LRRC71: variants seen among roughly 807,000 people sequenced by gnomAD.
LRRC71 encodes the protein leucine rich repeat containing 71.
LRRC71 carries 54 observed loss-of-function variants against 66.6 expected under a neutral mutation model. The observed-to-expected ratio is 0.81, with a 90% CI of 0.65 to 1.02. LRRC71 has a LOEUF of 1.02. LRRC71 is among the 50% of genes least tolerant of loss of function. The pLI, the probability that LRRC71 is intolerant of heterozygous loss-of-function variation, is 0.00. For synonymous variants in LRRC71, 323 were observed against 303.9 expected (o/e 1.06, Z -0.65); for missense variants, 724 against 718.0 (o/e 1.01, Z -0.10).
intron 14 of LRRC71, 23 bp from the exon 15 acceptor site, chr1:156,932,830 G>T: frequency 6.5e-7 from 1 of 1,533,368 alleles, no homozygotes; most frequent in Admixed American, 1.8e-5. Context: ...CTTGTCAGAT[G>T]TCAGCCTTCC....
At chr1:156,936,795 G>GA, downstream of LRRC71, 1 of 1,606,490 alleles carries the variant, frequency 6.2e-7, no homozygotes, top group Non-Finnish European at 8.5e-7. Context: ...TAGGAACCGA[G>GA]AGGGACCTGG....
chr1:156,927,146 T>A (rs1437258236), intron 5 of LRRC71, 56 bp from the exon 6 acceptor site: 2 of 1,509,492 alleles, frequency 1.3e-6, no homozygotes. Context: ...CTCTGTTCCC[T>A]TCCCTTACCT....
downstream of LRRC71, among the ~76,000 whole-genome samples, chr1:156,938,053 G>A (rs764113199): frequency 6.6e-6 from 1 of 152,226 alleles, no homozygotes. Context: ...TCTTTCAGCC[G>A]ATTTCCACAG....
downstream of LRRC71, chr1:156,937,628 G>T: frequency 1.0e-6 from 1 of 973,386 alleles, no homozygotes; most frequent in Non-Finnish European, 1.5e-6. Flanking sequence ...CTCAGAGAAC[G>T]TGGGCCTTGC....
chr1:156,924,140 T>C (rs1167267853), intron 2 of LRRC71, 42 bp downstream of exon 2: 1 of 1,538,420 alleles, frequency 6.5e-7, no homozygotes, highest in East Asian at 2.5e-5. Flanking sequence ...CAGGGCCGCC[T>C]AGTCCATCCT....
At chr1:156,922,454 T>C (rs1176369161) in intron 1 of LRRC71, among the ~76,000 whole-genome samples, 1 of 151,504 alleles carries the variant, frequency 6.6e-6, no homozygotes, top group Non-Finnish European at 1.5e-5. Flanking sequence ...CGGTAGAGAG[T>C]GATGGCTGAT....
intron 6 of LRRC71, 70 bp from the exon 7 acceptor site, chr1:156,927,424 CAA>C (rs1182964130): frequency 1.3e-6 from 2 of 1,518,960 alleles, no homozygotes; most frequent in South Asian, 1.3e-5. Context: ...CTCAAGCGCT[CAA>C]GTCTCCCATA....
chr1:156,934,083 G>C (rs1654703261), downstream of LRRC71, among the ~76,000 whole-genome samples: 1 of 152,188 alleles, frequency 6.6e-6, no homozygotes, highest in Non-Finnish European at 1.5e-5. Context: ...AACACATTGA[G>C]GTGCTGGATG....
rs746194831 is a variant in LRRC71 at position 156,930,060 on chromosome 1, T to TTCTTTTTCTTTCTTTCTTTTTC, written c.1240+332_1240+333insCTTTTTCTTTCTTTCTTTTTCT. On this transcript the variant is annotated intron_variant, in intron 11 of 14. Transcript: ENST00000337428. Reference sequence around the variant, plus strand: ...TCTTTCTTTCTCTTTCTTTCTTTCTTTTTCTTTCTTTCTTTCTTTTCTTTC... The same window carrying TTCTTTTTCTTTCTTTCTTTTTC: ...TCTTTCTTTCTCTTTCTTTCTTTCTTTCTTTTTCTTTCTTTCTTTTTCTTTCTTTCTTTCTTTCTTTTCTTTC... 5.5e-5 allele frequency among the ~76,000 whole-genome samples: 7 copies of TTCTTTTTCTTTCTTTCTTTTTC among 126,234 alleles called. No homozygotes were observed. The East Asian group carries it at 9.8e-4, about 18-fold the overall frequency. 82.8% of individuals were successfully genotyped at this position (126,234 alleles called of 152,430 possible).
Position 156,929,574 on chromosome 1 carries a change from C to T in LRRC71, c.1147-62C>T, listed in dbSNP as rs1557791908. On this transcript the variant is annotated intron_variant, in intron 10 of 14. Transcript: ENST00000337428. ...CCGGGTCCTAACCTGGGCTCCTTCC[C>T]TCACCACTGCCCATCCCCTCCGGAG... 9 of 1,539,392 alleles carry T rather than the reference C, an allele frequency of 5.8e-6. No homozygotes were observed. The South Asian group carries it at 7.3e-5, about 13-fold the overall frequency.
In LRRC71 at chr1:156,924,983, C is replaced by T. The variant is rs1652978027; in HGVS notation, c.561C>T (p.Ile187=). 1.3e-6 allele frequency: 2 copies of T among 1,551,574 alleles called. No homozygotes were observed. The highest frequency in any genetic ancestry group is 2.4e-5 in the South Asian group (2 of 84,066). ...GLTDKTLTTF[I]ELLPLCSSTL... is the part of the protein sequence containing the mutation. Reference sequence around the variant, plus strand: ...CCGATAAGACCCTGACCACCTTCATCGAGCTCCTGCCTCTCTGTTCATCCA... The same window carrying T: ...CCGATAAGACCCTGACCACCTTCATTGAGCTCCTGCCTCTCTGTTCATCCA... Residue 187 remains isoleucine (I), a synonymous_variant, in exon 5 of 15, where the codon ATC becomes ATT. Coordinates refer to ENST00000337428, the MANE Select transcript of LRRC71 (RefSeq NM_144702.3).
Position 156,930,032 on chromosome 1 carries a change from T to C in LRRC71, c.1240+303T>C, listed in dbSNP as rs200900779. On this transcript the variant is annotated intron_variant, in intron 11 of 14. Coordinates refer to ENST00000337428, the MANE Select transcript of LRRC71 (RefSeq NM_144702.3). ...CCATTTCTTTTTTCTTTTCTTTTCT[T>C]TTTCTTTCTTTCTCTTTCTTTCTTT... Among the ~76,000 whole-genome samples, 6 of 120,056 alleles carry C rather than the reference T, an allele frequency of 5.0e-5. No individual in the cohort carries two copies. In the South Asian group the frequency reaches 8.6e-4, roughly 17 times the overall value. The allele number at this position is 120,056 out of a possible 152,430, so 78.8% of individuals were successfully genotyped here.
intron 2 of LRRC71, 31 bp from the exon 3 acceptor site, chr1:156,924,393 G>C: frequency 6.5e-7 from 1 of 1,542,722 alleles, no homozygotes; most frequent in Middle Eastern, 1.9e-4. Flanking sequence ...GGAGGTGGCT[G>C]TTCCCCTCCC....
At chr1:156,932,095 T>C in intron 13 of LRRC71, 68 bp downstream of exon 13, 1 of 1,275,666 alleles carries the variant, frequency 7.8e-7, no homozygotes, top group African/African-American at 1.5e-5. Context: ...CCTGAGGGTG[T>C]TTACCCCGAC....
At chr1:156,936,843 G>A, downstream of LRRC71, 1 of 1,614,062 alleles carries the variant, frequency 6.2e-7, no homozygotes, top group Non-Finnish European at 8.5e-7. Context: ...CCCAGTTCAT[G>A]GCTGTTCCTG....
rs1398355559 is a variant in LRRC71 at position 156,920,852 on chromosome 1, C to T, written c.49C>T (p.Pro17Ser). ...APGASPRAPR[P>S]GTQKSSGAVT... ...GGGGGCCTCACCCAGGGCCCCGCGT[C>T]CGGGGACCCAGAAGTCTTCTGGCGC... is the stretch of plus-strand genomic sequence containing the variant. The change falls in exon 1 of 15, where the codon CCG (proline) becomes TCG (serine). Residue 17 changes from proline to serine, a missense_variant. Coordinates refer to ENST00000337428, the MANE Select transcript of LRRC71 (RefSeq NM_144702.3). This position sits in a 1 kb window ranked among gnomAD's most constrained non-coding sequence, Gnocchi z 4.9. 6.5e-7 allele frequency: 1 copy of T among 1,538,244 alleles called. No individual in the cohort carries two copies. The highest frequency in any genetic ancestry group is 8.8e-7 in the Non-Finnish European group (1 of 1,140,992).
the LRRC71 span, chr1:156,938,422 A>T: frequency 3.0e-5 from 48 of 1,613,456 alleles, no homozygotes; most frequent in Non-Finnish European, 4.1e-5. Context: ...TATTACCCGT[A>T]GCCTTTGTTC....
intron 1 of LRRC71, among the ~76,000 whole-genome samples, chr1:156,923,728 C>T (rs1469993495): frequency 6.6e-6 from 1 of 152,228 alleles, no homozygotes; most frequent in Non-Finnish European, 1.5e-5. Context: ...GAGGGGACCC[C>T]GTTGTCTACC....
chr1:156,924,362 G>T, intron 2 of LRRC71, 62 bp from the exon 3 acceptor site: 1 of 1,520,896 alleles, frequency 6.6e-7, no homozygotes, highest in East Asian at 2.5e-5. Flanking sequence ...GCACCCGTGG[G>T]CCGGCCCGGC....
Sources: allele counts gnomAD v4.1 joint callset (sites outside exome capture counted in the v4.1 genomes callset), GRCh38; gene constraint gnomAD v4.1.1; non-coding constraint Gnocchi (gnomAD v3.1); transcripts MANE v1.5; gene names NCBI Gene and HGNC (gene_info 2026-07-23, HGNC 2026-07-21).